The following MAML3 variants were observed in gnomAD, a reference collection of about 807,000 sequenced individuals.
MAML3 encodes the protein mastermind-like protein 3.
Under a neutral mutation model 101.9 loss-of-function variants are expected in MAML3, and 27 were observed. The observed-to-expected ratio is 0.27, with a 90% CI of 0.20 to 0.37. The LOEUF is 0.37. Among genes scored for constraint, MAML3 ranks in the 10% least tolerant of loss-of-function variants. The pLI is 1.00. For missense variants in MAML3, 1,316 were observed against 1,444.9 expected (o/e 0.91, Z 1.45); for synonymous variants, 501 against 555.9 (o/e 0.90, Z 1.39).
At chr4:139,920,164 C>CA (rs1411307326) in intron 1 of MAML3, among the ~76,000 whole-genome samples, 3 of 152,120 alleles carry the variant, frequency 2.0e-5, no homozygotes, top group African/African-American at 7.2e-5. Context: ...CCAAAGGGAA[C>CA]ACAGATTTCA....
At chr4:139,820,242 C>T (rs1447415606) in intron 2 of MAML3, among the ~76,000 whole-genome samples, 1 of 152,158 alleles carries the variant, frequency 6.6e-6, no homozygotes, top group Non-Finnish European at 1.5e-5. Flanking sequence ...AAAGAGTCTG[C>T]TTTTAAAGAA....
chr4:140,092,380 G>A (rs1264719967), intron 1 of MAML3, among the ~76,000 whole-genome samples: 1 of 151,956 alleles, frequency 6.6e-6, no homozygotes, highest in East Asian at 1.9e-4. Context: ...TCATCAACAA[G>A]GCAATCCTTC....
At chr4:139,832,094 C>CTTTTTTTTTTTTTTTTTTTTTTTT (rs70943444) in intron 2 of MAML3, among the ~76,000 whole-genome samples, 5 of 64,702 alleles carry the variant, frequency 7.7e-5, no homozygotes, top group Non-Finnish European at 1.3e-4. Flanking sequence ...TGCCCAGCCC[C>CTTTTTTTTTTTTTTTTTTTTTTTT]TTTTTTTTTT....
chr4:140,152,328 T>C lies in MAML3; in HGVS notation c.468+532A>G, dbSNP rs540591579. Among the ~76,000 whole-genome samples the C allele has an allele frequency of 1.6e-3, 240 of 152,210 alleles. 3 individuals carry two copies. The highest frequency in any genetic ancestry group is 5.5e-3 in the African/African-American group (227 of 41,520). ...GGGAGAGGAGGCGAGAGGCTCTCCT[T>C]CCCCGCTTCCCCCCTAGGGGTTGAG... On this transcript the variant is annotated intron_variant, in intron 1 of 4. Coordinates refer to ENST00000509479, the MANE Select transcript of MAML3 (RefSeq NM_018717.5).
chr4:140,004,373 C>T (rs539171466), intron 1 of MAML3, among the ~76,000 whole-genome samples: 3 of 150,942 alleles, frequency 2.0e-5, no homozygotes, highest in African/African-American at 4.9e-5. Context: ...ACTTCAAGAA[C>T]GTAATTCCCA....
intron 2 of MAML3, among the ~76,000 whole-genome samples, chr4:139,882,981 A>G (rs1378923417): frequency 3.3e-5 from 5 of 152,246 alleles, no homozygotes; most frequent in Non-Finnish European, 5.9e-5. Context: ...TCTCCCATTT[A>G]CCCTTTTGTA....
At chr4:140,030,252 T>TGGCA (rs954540774) in intron 1 of MAML3, among the ~76,000 whole-genome samples, 11 of 152,208 alleles carry the variant, frequency 7.2e-5, no homozygotes, top group Admixed American at 7.2e-4. Flanking sequence ...AGTGACTTCA[T>TGGCA]GGCAGCTTCC....
Position 140,152,896 on chromosome 4 carries a change from A to T in MAML3, c.432T>A (p.Ala144=). ...HPSKPQQDAE[A]ASAEQRNHTL... The stretch of plus-strand genomic sequence containing the variant: ...TGTGGTTCCTCTGCTCCGCCGAGGC[A>T]GCCTCCGCATCTTGCTGGGGTTTGC... Residue 144 remains alanine (A), a synonymous_variant, in exon 1 of 5, where the codon GCT becomes GCA. Coordinates refer to ENST00000509479, the MANE Select transcript of MAML3 (RefSeq NM_018717.5). 1 of 1,611,062 alleles carries T rather than the reference A, an allele frequency of 6.2e-7. No homozygotes were observed. Among genetic ancestry groups the T allele is most frequent in the African/African-American group, 1.3e-5 (1 of 74,520 alleles).
chr4:139,756,371 A>G (rs1315323674), intron 2 of MAML3, among the ~76,000 whole-genome samples: 1 of 152,212 alleles, frequency 6.6e-6, no homozygotes, highest in East Asian at 1.9e-4. Context: ...AGACACAGGA[A>G]CTAAAACCAG....
At chr4:139,948,442 C>T (rs1304076696) in intron 1 of MAML3, among the ~76,000 whole-genome samples, 2 of 152,214 alleles carry the variant, frequency 1.3e-5, no homozygotes, top group African/African-American at 4.8e-5. Context: ...CAGGAAACTG[C>T]TTCCAAGACA....
intron 1 of MAML3, among the ~76,000 whole-genome samples, chr4:140,069,910 G>C (rs2110951803): frequency 6.6e-6 from 1 of 152,122 alleles, no homozygotes; most frequent in East Asian, 1.9e-4. Flanking sequence ...GAGGTCAGGA[G>C]TCCCAGACCA....
intron 1 of MAML3, among the ~76,000 whole-genome samples, chr4:140,119,155 T>G (rs966585978): frequency 2.0e-5 from 3 of 151,998 alleles, no homozygotes; most frequent in African/African-American, 7.3e-5. Context: ...AAGGTCAACC[T>G]CAAGATCTTA....
intron 1 of MAML3, among the ~76,000 whole-genome samples, chr4:140,073,358 A>G (rs1411949890): frequency 6.6e-6 from 1 of 151,968 alleles, no homozygotes; most frequent in Non-Finnish European, 1.5e-5. Context: ...GGCTGGTCTC[A>G]AACTCCTGAC....
chr4:139,843,023 C>T (rs769353846), intron 2 of MAML3, among the ~76,000 whole-genome samples: 1 of 151,888 alleles, frequency 6.6e-6, no homozygotes, highest in Middle Eastern at 3.2e-3. Context: ...TCAGGTGATC[C>T]GCCTACCACA....
At chr4:139,850,111 C>T (rs939848852) in intron 2 of MAML3, among the ~76,000 whole-genome samples, 2 of 152,138 alleles carry the variant, frequency 1.3e-5, no homozygotes, top group African/African-American at 2.4e-5. Context: ...TCCCCCCCTA[C>T]ACCCTATGTA....
At chr4:140,134,133 G>T (rs1728843151) in intron 1 of MAML3, 1 of 456,604 alleles carries the variant, frequency 2.2e-6, no homozygotes, top group Non-Finnish European at 4.4e-6. Context: ...AGAGTCAACT[G>T]CAGGTCTTTT....
intron 1 of MAML3, among the ~76,000 whole-genome samples, chr4:140,137,518 T>C (rs1246027515): frequency 6.6e-6 from 1 of 152,192 alleles, no homozygotes; most frequent in African/African-American, 2.4e-5. Context: ...GCTAATTATC[T>C]CGCTCCTCAA....
intron 1 of MAML3, among the ~76,000 whole-genome samples, chr4:139,961,027 T>G (rs1008315701): frequency 4.6e-5 from 7 of 152,160 alleles, no homozygotes; most frequent in Non-Finnish European, 1.0e-4. Context: ...TCAGATGTGC[T>G]TACGTCACTG....
At chr4:139,858,898 A>G (rs761527608) in intron 2 of MAML3, among the ~76,000 whole-genome samples, 2 of 152,190 alleles carry the variant, frequency 1.3e-5, no homozygotes, top group Non-Finnish European at 2.9e-5. Context: ...TCATTACTGG[A>G]TCTGAAGTCA....
Sources: gnomAD v4.1 joint callset for allele counts (sites outside exome capture counted in the v4.1 genomes callset) on GRCh38, gnomAD v4.1.1 for gene constraint, MANE v1.5 for transcripts, NCBI Gene and HGNC (gene_info 2026-07-23, HGNC 2026-07-21) for gene names.